Variants in ZC4H2 observed in about 807,000 individuals in gnomAD.
The protein encoded by ZC4H2 is zinc finger C4H2-type containing, also known as zinc finger C4H2 domain-containing protein.
For missense variants in ZC4H2, 137 were observed against 173.9 expected (o/e 0.79, Z 1.19); for synonymous variants, 84 against 66.3 (o/e 1.27, Z -1.30).
chrX:64,970,968 G>A (rs753859012), intron 1 of ZC4H2, among the ~76,000 whole-genome samples: 6 of 111,950 alleles, frequency 5.4e-5, no homozygotes, highest in African/African-American at 1.6e-4. Flanking sequence ...AAGAAATGAC[G>A]TAAGTGAGAA....
chrX:65,032,189 A>G (rs1932940796), intron 1 of ZC4H2, among the ~76,000 whole-genome samples: 3 of 112,170 alleles, frequency 2.7e-5, no homozygotes, highest in Middle Eastern at 4.6e-3. Flanking sequence ...AGTTCTTTAT[A>G]TAGAAAGGAA....
upstream of ZC4H2, among the ~76,000 whole-genome samples, chrX:64,976,806 A>T (rs1262653438): frequency 9.0e-6 from 1 of 110,504 alleles, no homozygotes; most frequent in Non-Finnish European, 1.9e-5. Flanking sequence ...GCAAAAGATT[A>T]GCGGTAGTCG....
At chrX:65,024,812 T>G (rs1218955911) in intron 1 of ZC4H2, among the ~76,000 whole-genome samples, 2 of 111,747 alleles carry the variant, frequency 1.8e-5, no homozygotes, top group South Asian at 3.8e-4. Flanking sequence ...ATACCACATA[T>G]TCTCACTTGT....
intron 1 of ZC4H2, among the ~76,000 whole-genome samples, chrX:64,931,619 T>C (rs1226430086): frequency 8.9e-6 from 1 of 111,867 alleles, no homozygotes; most frequent in African/African-American, 3.2e-5. Flanking sequence ...CCAAAGCTCA[T>C]TCAAGAGCAG....
At chrX:64,941,264 A>G (rs920918896) in intron 1 of ZC4H2, among the ~76,000 whole-genome samples, 4 of 112,110 alleles carry the variant, frequency 3.6e-5, no homozygotes, top group African/African-American at 1.3e-4. Context: ...GACTTTGCTA[A>G]AGTTGCTTAT....
At chrX:64,978,725 G>C, upstream of ZC4H2, among the ~76,000 whole-genome samples, 1 of 110,200 alleles carries the variant, frequency 9.1e-6, no homozygotes. Flanking sequence ...TTAATGAAGA[G>C]AGTGTGTCTG....
At chrX:65,030,239 T>G (rs1304359957) in intron 1 of ZC4H2, among the ~76,000 whole-genome samples, 1 of 111,328 alleles carries the variant, frequency 9.0e-6, no homozygotes, top group Admixed American at 9.5e-5. Flanking sequence ...CACCTCAGCC[T>G]CCCGAGTAGC....
intron 1 of ZC4H2, among the ~76,000 whole-genome samples, chrX:65,003,262 C>T (rs758926287): frequency 3.6e-5 from 4 of 111,345 alleles, no homozygotes; most frequent in African/African-American, 9.8e-5. Flanking sequence ...GTACCAGATT[C>T]TCTAGGACAA....
chrX:65,000,080 T>C (rs1932505479), intron 1 of ZC4H2, among the ~76,000 whole-genome samples: 1 of 112,426 alleles, frequency 8.9e-6, no homozygotes, highest in Admixed American at 9.3e-5. Flanking sequence ...AAGCACAGCA[T>C]GTGAGCTCTG....
At chrX:64,986,311 C>G (rs921846741) in intron 1 of ZC4H2, among the ~76,000 whole-genome samples, 1 of 112,066 alleles carries the variant, frequency 8.9e-6, no homozygotes, top group African/African-American at 3.2e-5. Context: ...GATGCTCTGC[C>G]TTCCATGTTT....
chrX:64,924,047 G>A (rs1006297409), intron 1 of ZC4H2, among the ~76,000 whole-genome samples: 1 of 111,684 alleles, frequency 9.0e-6, no homozygotes, highest in Non-Finnish European at 1.9e-5. Flanking sequence ...TCTAGGTTAC[G>A]TGAAGATAAA....
intron 1 of ZC4H2, among the ~76,000 whole-genome samples, chrX:64,941,340 C>G (rs998223660): frequency 2.7e-5 from 3 of 111,761 alleles, no homozygotes; most frequent in Non-Finnish European, 5.6e-5. Context: ...CATTTGCAAA[C>G]AGAGACAATT....
intron 1 of ZC4H2, among the ~76,000 whole-genome samples, chrX:65,022,503 C>T (rs1474953277): frequency 8.9e-6 from 1 of 111,937 alleles, no homozygotes; most frequent in African/African-American, 3.2e-5. Flanking sequence ...TCTCAATAAA[C>T]TAGGTATTGA....
chrX:64,978,493 A>G (rs1932015326), upstream of ZC4H2, among the ~76,000 whole-genome samples: 1 of 111,834 alleles, frequency 8.9e-6, no homozygotes, highest in African/African-American at 3.3e-5. Context: ...GAGGTAAGCA[A>G]CAAGCCTGCG....
At position 64,953,340 on chromosome X, in the gene ZC4H2, G is replaced by A. The variant is rs187516017; in HGVS notation, c.53+22985C>T. 7.7e-3 allele frequency among the ~76,000 whole-genome samples: 863 copies of A among 112,084 alleles called. 4 individuals carry two copies. Among genetic ancestry groups the A allele is most frequent in the Middle Eastern group, 0.023 (5 of 218 alleles). On this transcript the variant is annotated intron_variant, in intron 1 of 4. Transcript: ENST00000374839. ...ACAAATGGGATCTAAGTAAACTAAAGAGCTTCTGGGCGGCAAAGGAAACTA... is the reference window on the plus strand; with the variant it reads ...ACAAATGGGATCTAAGTAAACTAAAAAGCTTCTGGGCGGCAAAGGAAACTA...
At chrX:64,991,438 C>T (rs1027702851) in intron 1 of ZC4H2, among the ~76,000 whole-genome samples, 2 of 111,208 alleles carry the variant, frequency 1.8e-5, no homozygotes, top group Non-Finnish European at 3.8e-5. Flanking sequence ...TGGAGGGGTG[C>T]AGTGGTGCGA....
intron 1 of ZC4H2, among the ~76,000 whole-genome samples, chrX:65,009,832 T>C (rs970937374): frequency 8.9e-6 from 1 of 111,786 alleles, no homozygotes; most frequent in Non-Finnish European, 1.9e-5. Context: ...AAGTCCTTTG[T>C]CTTTGACCCA....
chrX:64,935,418 T>A (rs1929958501), intron 1 of ZC4H2, among the ~76,000 whole-genome samples: 1 of 112,175 alleles, frequency 8.9e-6, no homozygotes, highest in Non-Finnish European at 1.9e-5. Context: ...TAAAGGTCAC[T>A]GTGTGACAGC....
At chrX:64,949,392 A>G (rs763298332) in intron 1 of ZC4H2, among the ~76,000 whole-genome samples, 3 of 111,802 alleles carry the variant, frequency 2.7e-5, no homozygotes, top group African/African-American at 9.7e-5. Context: ...AATGACTTAC[A>G]GTACCTAGAA....
Sources: gnomAD v4.1 joint callset for allele counts (sites outside exome capture counted in the v4.1 genomes callset) on GRCh38, gnomAD v4.1.1 for gene constraint, MANE v1.5 for transcripts, NCBI Gene and HGNC (gene_info 2026-07-23, HGNC 2026-07-21) for gene names.